The following UPK3A variants were observed in gnomAD, a reference collection of about 807,000 sequenced individuals.
The protein encoded by UPK3A is uroplakin-3a.
A neutral mutation model predicts 27.6 loss-of-function variants in UPK3A; 32 were observed. The observed-to-expected ratio is 1.16, with a 90% CI of 0.87 to 1.55. The LOEUF is 1.55. UPK3A is among the 40% of genes most tolerant of loss of function. The probability of loss-of-function intolerance (pLI) is 0.00; values close to 1 mark genes in which losing one functional copy is unlikely to be tolerated. For missense variants in UPK3A, 370 were observed against 367.9 expected (o/e 1.01, Z -0.05); for synonymous variants, 171 against 163.9 (o/e 1.04, Z -0.33).
intron 4 of UPK3A, 127 bp from the exon 5 acceptor site, chr22:45,293,054 C>T: frequency 1.4e-6 from 2 of 1,392,216 alleles, no homozygotes; most frequent in African/African-American, 1.4e-5. Context: ...GAGAAGTCGC[C>T]CCACTGGGTC....
intron 3 of UPK3A, 32 bp downstream of exon 3, chr22:45,287,483 G>T: frequency 6.4e-7 from 1 of 1,563,454 alleles, no homozygotes; most frequent in African/African-American, 1.4e-5. Context: ...CAGGAGAGCC[G>T]CGGCAGTTCC....
At chr22:45,285,438 A>T (rs2084110726) in intron 1 of UPK3A, among the ~76,000 whole-genome samples, 2 of 152,162 alleles carry the variant, frequency 1.3e-5, no homozygotes, top group South Asian at 2.1e-4. Context: ...CTGCCAGTCC[A>T]TGGGACCAGC....
Position 45,285,023 on chromosome 22 carries a change from C to T in UPK3A, c.10C>T (p.Leu4Phe). Residue 4 changes from leucine to phenylalanine, a missense_variant, in exon 1 of 6, where the codon CTC (leucine) becomes TTC (phenylalanine). Transcript: ENST00000216211. Reference protein sequence around the residue: MPPLWALLALGCLR... With the variant: MPPFWALLALGCLR... The stretch of plus-strand genomic sequence containing the variant: ...CGGCTCCTCCCGGGCGATGCCTCCG[C>T]TCTGGGCCCTGCTGGCCCTCGGCTG... 6.5e-7 allele frequency: 1 copy of T among 1,533,618 alleles called. No homozygotes were observed. The highest frequency in any genetic ancestry group is 8.7e-7 in the Non-Finnish European group (1 of 1,146,748).
rs765530244 is a variant in UPK3A, at chr22:45,293,231, A to C, written c.622A>C (p.Met208Leu). The C allele has an allele frequency of 1.2e-6, 2 of 1,614,122 alleles. No homozygotes were observed. The highest frequency in any genetic ancestry group is 2.7e-5 in the African/African-American group (2 of 75,052). ...DTWPGRRSGGMIVITSILGSL... is the reference protein window; with the variant it reads ...DTWPGRRSGGLIVITSILGSL... ...GTGGCCAGGCCGGCGGAGCGGAGGC[A>C]TGATCGTCATCACTTCCATCCTGGG... The change falls in exon 5 of 6, where the codon ATG becomes CTG. Residue 208 changes from methionine (M) to leucine (L), a missense_variant. Met to Leu is a conservative substitution (Grantham distance 15, BLOSUM62 2). Transcript: ENST00000216211.
rs547369352 is a variant in UPK3A, at chr22:45,286,055, C to G, written c.167C>G (p.Thr56Ser). ...LCMFDSKEAL[T>S]GTHEVYLYVL... ...ATGTTTGACAGCAAAGAGGCCCTCA[C>G]TGGCACCCACGAGGTCTACCTGTAT... is the stretch of plus-strand genomic sequence containing the variant. Residue 56 changes from threonine (T) to serine (S), a missense_variant, in exon 2 of 6, where the codon ACT becomes AGT. By Grantham distance (58) the Thr-to-Ser change is moderately conservative. Transcript: ENST00000216211. The G allele has an allele frequency of 1.2e-5, 19 of 1,614,214 alleles. 1 individual carries two copies. The South Asian group carries it at 1.2e-4, about 10-fold the overall frequency.
intron 3 of UPK3A, 34 bp downstream of exon 3, chr22:45,287,485 G>A (rs1269276876): frequency 7.2e-5 from 113 of 1,562,334 alleles, no homozygotes; most frequent in East Asian, 9.5e-5. Context: ...GGAGAGCCGC[G>A]GCAGTTCCCC....
intron 5 of UPK3A, among the ~76,000 whole-genome samples, chr22:45,293,706 A>G (rs2084177228): frequency 6.6e-6 from 1 of 152,222 alleles, no homozygotes; most frequent in Non-Finnish European, 1.5e-5. Flanking sequence ...GTTAAGTGGA[A>G]TAATCTCTAT....
intron 2 of UPK3A, 61 bp from the exon 3 acceptor site, chr22:45,287,111 C>T: frequency 1.2e-6 from 2 of 1,609,662 alleles, no homozygotes; most frequent in Non-Finnish European, 1.7e-6. Context: ...TGATGAATAA[C>T]TGAGTGAGTG....
At chr22:45,293,800 G>T (rs906758138) in intron 5 of UPK3A, among the ~76,000 whole-genome samples, 2 of 152,182 alleles carry the variant, frequency 1.3e-5, no homozygotes, top group Non-Finnish European at 2.9e-5. Flanking sequence ...GTACAGAGGG[G>T]GAAACTGAGG....
Position 45,295,756 on chromosome 22 carries a change from C to G in UPK3A, c.*37C>G. 2 of 1,612,094 alleles carry G rather than the reference C, an allele frequency of 1.2e-6. No homozygotes were observed. The highest frequency in any genetic ancestry group is 1.7e-4 in the Middle Eastern group (1 of 5,792). ...CCCCTGGGCAGCAGCATCCTCCTCT[C>G]TGGCCTTGCCCCAGGCCCTGCAGCG... On this transcript the variant is annotated 3_prime_UTR_variant, in exon 6 of 6. Coordinates refer to ENST00000216211, the MANE Select transcript of UPK3A (RefSeq NM_006953.4).
At chr22:45,293,445 C>T (rs746052352) in intron 5 of UPK3A, 132 bp downstream of exon 5, 127 of 1,189,574 alleles carry the variant, frequency 1.1e-4, no homozygotes, top group Non-Finnish European at 1.3e-4. Context: ...CTCTGCCCCG[C>T]GGGTGGGGTC....
chr22:45,284,964 G>A lies in UPK3A; in HGVS notation c.-50G>A, dbSNP rs57508963. The stretch of plus-strand genomic sequence containing the variant: ...TGGCAGGGACAGGTCTGGTGCCCGC[G>A]CCTGCTCGCTGGACCGCCCGCCCCG... On this transcript the variant is annotated 5_prime_UTR_variant, in exon 1 of 6. Transcript: ENST00000216211. 5 of 1,510,612 alleles carry A rather than the reference G, an allele frequency of 3.3e-6. No individual in the cohort carries two copies. Among genetic ancestry groups the A allele is most frequent in the Non-Finnish European group, 4.4e-6 (5 of 1,130,204 alleles). 93.6% of individuals were successfully genotyped at this position (1,510,612 alleles called of 1,614,324 possible). A position where few individuals can be genotyped will look rare whatever the true frequency, so the allele number is the denominator to read the frequency against.
intron 3 of UPK3A, 72 bp downstream of exon 3, chr22:45,287,523 A>G: frequency 6.5e-7 from 1 of 1,529,586 alleles, no homozygotes; most frequent in South Asian, 1.2e-5. Flanking sequence ...GCAGGGGCAA[A>G]GTAGGAGCAG....
chr22:45,288,956 C>CTG, intron 3 of UPK3A, 105 bp from the exon 4 acceptor site: 1 of 1,074,866 alleles, frequency 9.3e-7, no homozygotes, highest in Non-Finnish European at 1.4e-6. Context: ...GAAGGGCCCC[C>CTG]GCTGCCGTCT....
At chr22:45,289,752 CAAA>C (rs148728583) in intron 4 of UPK3A, among the ~76,000 whole-genome samples, 9 of 120,964 alleles carry the variant, frequency 7.4e-5, no homozygotes, top group Non-Finnish European at 1.1e-4. Flanking sequence ...GACTCTGTCT[CAAA>C]AAAAAAAAAA....
chr22:45,285,496 G>A (rs1279034661), intron 1 of UPK3A, among the ~76,000 whole-genome samples: 1 of 152,178 alleles, frequency 6.6e-6, no homozygotes, highest in Non-Finnish European at 1.5e-5. Context: ...TGAGGCTGGA[G>A]ACCGAACAAA....
intron 4 of UPK3A, among the ~76,000 whole-genome samples, chr22:45,292,273 G>A (rs1272058144): frequency 6.6e-6 from 1 of 152,178 alleles, no homozygotes; most frequent in African/African-American, 2.4e-5. Context: ...GGGCCCATCT[G>A]GGGGACAGCA....
chr22:45,289,049 G>A lies in UPK3A; in HGVS notation c.489-12G>A, dbSNP rs530810807. The A allele has an allele frequency of 2.1e-5, 34 of 1,613,358 alleles. No homozygotes were observed. The highest frequency in any genetic ancestry group is 6.7e-5 in the East Asian group (3 of 44,868). ...GAAGCATAAAAGTCACCCTGGCTCC[G>A]TCTCCTTCCAGGTTCAAGTATGTCC... On this transcript the variant is annotated splice_polypyrimidine_tract_variant and intron_variant, in intron 3 of 5. Transcript: ENST00000216211.
chr22:45,286,944 C>T (rs1326085512), intron 2 of UPK3A, among the ~76,000 whole-genome samples: 1 of 152,158 alleles, frequency 6.6e-6, no homozygotes, highest in Non-Finnish European at 1.5e-5. Context: ...GCAGGAATGT[C>T]ACAAGATAAG....
Sources: allele counts gnomAD v4.1 joint callset (sites outside exome capture counted in the v4.1 genomes callset), GRCh38; gene constraint gnomAD v4.1.1; transcripts MANE v1.5; gene names NCBI Gene and HGNC (gene_info 2026-07-23, HGNC 2026-07-21).